Variants in PLCB3 observed in about 807,000 individuals in gnomAD.
PLCB3 encodes phospholipase C beta 3.
Under a neutral mutation model 152.1 loss-of-function variants are expected in PLCB3, and 54 were observed. That is an observed-to-expected ratio of 0.36 (90% CI 0.29 to 0.45). The LOEUF (loss-of-function observed/expected upper bound fraction) is 0.45, where lower values mean the gene tolerates loss of function less well. Among genes scored for constraint, PLCB3 ranks in the 20% least tolerant of loss-of-function variants. PLCB3 has a pLI of 1.00. For missense variants in PLCB3, 1,248 were observed against 1,687.5 expected, an observed-to-expected ratio of 0.74 and a Z score of 4.56; for synonymous variants, 717 against 698.7, an observed-to-expected ratio of 1.03 and a Z score of -0.41.
rs935888899 is a variant in PLCB3, at chr11:64,259,188, G to A, written c.1469G>A (p.Ser490Asn). The A allele has an allele frequency of 5.0e-6, 8 of 1,596,272 alleles. No individual in the cohort carries two copies. In the African/African-American group the frequency reaches 9.4e-5, roughly 19 times the overall value. Residue 490 changes from serine to asparagine, a missense_variant, in exon 13 of 31, where the codon AGC (serine) becomes AAC (asparagine). Coordinates refer to ENST00000279230, the MANE Select transcript of PLCB3 (RefSeq NM_000932.5). ...GGGCGCAAGCGGCCCCTGGAGCAGA[G>A]CAATTCTGCCCTGAGCGAGAGCTCC... ...SAGRKRPLEQ[S>N]NSALSESSAA...
chr11:64,266,429 A>C lies in PLCB3; in HGVS notation c.3356+25A>C. ...CGTAAGGGCACCGGGACCGGGGGCC[A>C]TCTGGGTACTGGGGAGGCAGGGCAG... On this transcript the variant is annotated intron_variant, in intron 28 of 30. Transcript: ENST00000279230. This position sits in a 1 kb window ranked among gnomAD's most constrained non-coding sequence, Gnocchi z 4.9. 1.2e-6 allele frequency: 2 copies of C among 1,601,354 alleles called. No homozygotes were observed. Among genetic ancestry groups the C allele is most frequent in the Non-Finnish European group, 1.7e-6 (2 of 1,168,666 alleles).
Position 64,267,421 on chromosome 11 carries a change from C to A in PLCB3, c.3570C>A (p.Ser1190Arg), listed in dbSNP as rs750612765. 3 of 1,543,048 alleles carry A rather than the reference C, an allele frequency of 1.9e-6. No homozygotes were observed. Among genetic ancestry groups the A allele is most frequent in the Non-Finnish European group, 2.6e-6 (3 of 1,144,376 alleles). Reference sequence around the variant, plus strand: ...GGCTCCCCCAGGAGATCCGCCGGAGCCTGCTGGGCGAGATGCCGGAGGGGC... The same window carrying A: ...GGCTCCCCCAGGAGATCCGCCGGAGACTGCTGGGCGAGATGCCGGAGGGGC... ...RARLPQEIRR[S>R]LLGEMPEGLG... The change falls in exon 31 of 31, where the codon AGC (serine) becomes AGA (arginine). Residue 1190 changes from serine to arginine, a missense_variant. This residue lies in a region of PLCB3 where 477 missense variants were observed against 489.6 expected (regional missense o/e 0.97). Transcript: ENST00000279230. The surrounding 1 kb of genome is among the most constrained non-coding windows in gnomAD (Gnocchi z 5.2).
In PLCB3 at chr11:64,267,568, G is replaced by A. The variant is rs902736763; in HGVS notation, c.*12G>A. On this transcript the variant is annotated 3_prime_UTR_variant, in exon 31 of 31. Transcript: ENST00000279230. The surrounding 1 kb of genome is among the most constrained non-coding windows in gnomAD (Gnocchi z 5.2). ...ACACGCAGCTCTGAACTGGCTGAGC[G>A]AGGTGGCCACAGGGCCAGGGCGGGC... 3.9e-6 allele frequency: 6 copies of A among 1,554,396 alleles called. No homozygotes were observed. Among genetic ancestry groups the A allele is most frequent in the South Asian group, 3.5e-5 (3 of 85,302 alleles).
intron 1 of PLCB3, among the ~76,000 whole-genome samples, chr11:64,252,636 G>A (rs532311913): frequency 6.6e-6 from 1 of 152,212 alleles, no homozygotes; most frequent in Non-Finnish European, 1.5e-5. Context: ...GGGAGCTGGG[G>A]GGAGGAGATG....
In PLCB3 at chr11:64,251,623, G is replaced by T. The variant is rs1175698253; in HGVS notation, c.-27G>T. 2 of 1,322,854 alleles carry T rather than the reference G, an allele frequency of 1.5e-6. No homozygotes were observed. Among genetic ancestry groups the T allele is most frequent in the East Asian group, 6.3e-5 (2 of 31,508 alleles). 81.9% of individuals were successfully genotyped at this position (1,322,854 alleles called of 1,614,324 possible). ...CGTCGGTCCCCGTCAGGGCTCCGTG[G>T]GTCCCCGACCCGCCCCTGGCCGGGC... On this transcript the variant is annotated 5_prime_UTR_variant, in exon 1 of 31. Transcript: ENST00000279230.
At position 64,255,632 on chromosome 11, in the gene PLCB3, A is replaced by AC; in HGVS notation, c.597+17dup. 3.5e-6 allele frequency: 4 copies of AC among 1,134,962 alleles called. No homozygotes were observed. The highest frequency in any genetic ancestry group is 1.6e-5 in the African/African-American group (1 of 63,842). 70.3% of individuals were successfully genotyped at this position (1,134,962 alleles called of 1,614,324 possible). ...ATTCAACCGGGTGTGTGGGGTGGGG[A>AC]CAGGGGCGGGGTGGGGTGTCACGGT... is the stretch of plus-strand genomic sequence containing the variant. On this transcript the variant is annotated intron_variant, in intron 7 of 30. Transcript: ENST00000279230. The surrounding 1 kb of genome is among the most constrained non-coding windows in gnomAD (Gnocchi z 6.8).
At chr11:64,265,812 GC>G (rs2032086604) in intron 25 of PLCB3, 73 bp from the exon 26 acceptor site, 4 of 1,532,838 alleles carry the variant, frequency 2.6e-6, no homozygotes, top group Non-Finnish European at 3.5e-6. Flanking sequence ...GCCAGGATGT[GC>G]CCCCCTACAC....
At chr11:64,259,506 C>T (rs566950570) in intron 13 of PLCB3, among the ~76,000 whole-genome samples, 1 of 152,134 alleles carries the variant, frequency 6.6e-6, no homozygotes, top group African/African-American at 2.4e-5. Flanking sequence ...CTTCCCACAA[C>T]CCGGTGATGG....
At position 64,261,582 on chromosome 11, in the gene PLCB3, G is replaced by C; in HGVS notation, c.1830G>C (p.Lys610Asn). Residue 610 changes from lysine (K) to asparagine (N), a missense_variant and splice_region_variant, in exon 16 of 31, where the codon AAG becomes AAC. By Grantham distance (94) the Lys-to-Asn change is moderately conservative. Around this residue, in one of 6 missense-constraint regions of PLCB3, gnomAD observed 244 missense variants for 424.4 expected, o/e 0.57. Coordinates refer to ENST00000279230, the MANE Select transcript of PLCB3 (RefSeq NM_000932.5). The stretch of plus-strand genomic sequence containing the variant: ...GCCCTTTCTTGGCTCACCCCTAAGA[G>C]AGGAACAAATGCTTCGAGATGTCGT... ...VKFKSFEAARKRNKCFEMSSF... is the reference protein window; with the variant it reads ...VKFKSFEAARNRNKCFEMSSF... 1 of 1,614,150 alleles carries C rather than the reference G, an allele frequency of 6.2e-7. No homozygotes were observed. Among genetic ancestry groups the C allele is most frequent in the Admixed American group, 1.7e-5 (1 of 60,026 alleles).
chr11:64,256,817 C>T, intron 10 of PLCB3, 53 bp downstream of exon 10: 2 of 1,570,044 alleles, frequency 1.3e-6, no homozygotes, highest in South Asian at 1.1e-5. Flanking sequence ...GACCCTTGCA[C>T]AGCCCCACTC....
rs758046232 is a variant in PLCB3, at chr11:64,261,708, C to T, written c.1913+43C>T. On this transcript the variant is annotated intron_variant, in intron 16 of 30. Coordinates refer to ENST00000279230, the MANE Select transcript of PLCB3 (RefSeq NM_000932.5). ...TGTGGGCGGGCAGGCCAGGGTGGGG[C>T]GCTCGGAGGCCGGCTCCGGTGTTCT... 2.2e-5 allele frequency: 34 copies of T among 1,555,042 alleles called. No individual in the cohort carries two copies. The Middle Eastern group carries it at 5.1e-4, about 23-fold the overall frequency.
At position 64,258,615 on chromosome 11, in the gene PLCB3, A is replaced by G. The variant is rs1358754240; in HGVS notation, c.1155A>G (p.Thr385=). Residue 385 remains threonine, a synonymous_variant, in exon 11 of 31, where the codon ACA becomes ACG. Transcript: ENST00000279230. The surrounding 1 kb of genome is among the most constrained non-coding windows in gnomAD (Gnocchi z 7.2). ...TTACCCACGGCTTCACCATGACCAC[A>G]GAGGTGCCTCTGCGCGACGTGCTGG... is the stretch of plus-strand genomic sequence containing the variant. ...PFITHGFTMT[T]EVPLRDVLEA... is the part of the protein sequence containing the mutation. The G allele has an allele frequency of 3.7e-6, 6 of 1,614,068 alleles. No homozygotes were observed. In the East Asian group the frequency reaches 1.1e-4, roughly 30 times the overall value.
intron 2 of PLCB3, 100 bp from the exon 3 acceptor site, chr11:64,254,648 C>T: frequency 1.4e-6 from 2 of 1,425,516 alleles, no homozygotes; most frequent in Non-Finnish European, 2.0e-6. Flanking sequence ...GGGGCTATAG[C>T]CAGGGGCTGG....
At chr11:64,268,032 G>A (rs1331417868), downstream of PLCB3, 1 of 157,016 alleles carries the variant, frequency 6.4e-6, no homozygotes, top group East Asian at 1.9e-4. Flanking sequence ...CTCCAGCCAA[G>A]GGCTGCTGGG....
intron 13 of PLCB3, among the ~76,000 whole-genome samples, chr11:64,259,550 C>T (rs748936862): frequency 2.6e-5 from 4 of 152,122 alleles, no homozygotes; most frequent in Admixed American, 1.3e-4. Flanking sequence ...CAGTAAACCA[C>T]ATCCCACACT....
At position 64,254,569 on chromosome 11, in the gene PLCB3, G is replaced by A; in HGVS notation, c.177+77G>A. On this transcript the variant is annotated intron_variant, in intron 2 of 30. Transcript: ENST00000279230. ...ACCCCTGCCCTGCCCGTGGGGGTGG[G>A]GCCCGGCTGCAGGCTGACCTCTCCC... 3 of 1,478,124 alleles carry A rather than the reference G, an allele frequency of 2.0e-6. No individual in the cohort carries two copies. The East Asian group carries it at 6.8e-5, about 33-fold the overall frequency. 91.6% of individuals were successfully genotyped at this position (1,478,124 alleles called of 1,614,324 possible).
Position 64,255,063 on chromosome 11 carries a change from G to C in PLCB3, c.387+25G>C. 6.4e-7 allele frequency: 1 copy of C among 1,574,452 alleles called. No homozygotes were observed. Among genetic ancestry groups the C allele is most frequent in the South Asian group, 1.2e-5 (1 of 84,832 alleles). On this transcript the variant is annotated intron_variant, in intron 4 of 30. Coordinates refer to ENST00000279230, the MANE Select transcript of PLCB3 (RefSeq NM_000932.5). The surrounding 1 kb of genome is among the most constrained non-coding windows in gnomAD (Gnocchi z 6.8). ...GGTGGGCTGGCACCAAGGGGACGAA[G>C]GGGGAGTCACTGTCTTATTCTGTGA...
chr11:64,259,445 A>C (rs535265853), intron 13 of PLCB3, among the ~76,000 whole-genome samples: 18 of 152,036 alleles, frequency 1.2e-4, no homozygotes, highest in Middle Eastern at 3.4e-3. Flanking sequence ...CGTCTCACCC[A>C]GCTGCACCCC....
chr11:64,267,328 T>G lies in PLCB3; in HGVS notation c.3502-25T>G. ...GGGTGCAAGGCAGCCAGGCCTCGCC[T>G]GTGATGCCCATCCTTCTCCCACAGC... On this transcript the variant is annotated intron_variant, in intron 30 of 30. Coordinates refer to ENST00000279230, the MANE Select transcript of PLCB3 (RefSeq NM_000932.5). The surrounding 1 kb of genome is among the most constrained non-coding windows in gnomAD (Gnocchi z 5.2). 6.5e-7 allele frequency: 1 copy of G among 1,550,024 alleles called. No individual in the cohort carries two copies. The highest frequency in any genetic ancestry group is 8.7e-7 in the Non-Finnish European group (1 of 1,146,174).
Sources: allele counts gnomAD v4.1 joint callset (sites outside exome capture counted in the v4.1 genomes callset), GRCh38; gene constraint gnomAD v4.1.1; regional missense constraint gnomAD v4.1.1; non-coding constraint Gnocchi (gnomAD v3.1); transcripts MANE v1.5; gene names NCBI Gene and HGNC (gene_info 2026-07-23, HGNC 2026-07-21).